Variants in TXNRD2 observed in about 807,000 individuals in gnomAD.
TXNRD2 encodes the protein thioredoxin reductase 2, mitochondrial.
TXNRD2 carries 67 observed loss-of-function variants against 70.8 expected under a neutral mutation model. The ratio of observed to expected loss-of-function variants is 0.95; its 90% CI spans 0.78 to 1.16. The LOEUF is 1.16. Ranked by LOEUF, TXNRD2 falls within the 50% of genes most tolerant of loss-of-function variation. TXNRD2 has a pLI of 0.00. For synonymous variants in TXNRD2, 301 were observed against 295.8 expected, an observed-to-expected ratio of 1.02 and a Z score of -0.18; for missense variants, 644 against 719.9, an observed-to-expected ratio of 0.89 and a Z score of 1.21.
At chr22:19,904,389 C>T (rs113105772) in intron 8 of TXNRD2, among the ~76,000 whole-genome samples, 4 of 152,364 alleles carry the variant, frequency 2.6e-5, no homozygotes, top group African/African-American at 7.2e-5. Flanking sequence ...AGCTTGGACA[C>T]GATCCCCCTG....
chr22:19,938,511 C>T (rs775761466), intron 1 of TXNRD2, among the ~76,000 whole-genome samples: 2 of 152,140 alleles, frequency 1.3e-5, no homozygotes, highest in African/African-American at 2.4e-5. Flanking sequence ...TCTATTATTT[C>T]CTCTAATTTA....
chr22:19,906,184 G>A (rs1380878036), intron 8 of TXNRD2, among the ~76,000 whole-genome samples: 1 of 152,124 alleles, frequency 6.6e-6, no homozygotes, highest in Non-Finnish European at 1.5e-5. Context: ...CCATGCTGGC[G>A]ATTTGTGCAG....
In TXNRD2 at chr22:19,895,506, C is replaced by T. The variant is rs201177571; in HGVS notation, c.850G>A (p.Val284Ile). 1.2e-6 allele frequency: 2 copies of T among 1,613,950 alleles called. No individual in the cohort carries two copies. The highest frequency in any genetic ancestry group is 2.2e-5 in the South Asian group (2 of 91,090). The change falls in exon 11 of 18, where the codon GTC becomes ATC. Residue 284 changes from valine to isoleucine, a missense_variant. By Grantham distance (29) the Val-to-Ile change is conservative. Coordinates refer to ENST00000400521, the MANE Select transcript of TXNRD2 (RefSeq NM_006440.5). Reference sequence around the variant, plus strand: ...AGCTGGCCATCAGGGAGCCTCCTGACCCGCGAGGGGGCACAGCCCCTCAGG... The same window carrying T: ...AGCTGGCCATCAGGGAGCCTCCTGATCCGCGAGGGGGCACAGCCCCTCAGG... ...RFLRGCAPSRVRRLPDGQLQV... is the reference protein window; with the variant it reads ...RFLRGCAPSRIRRLPDGQLQV...
intron 2 of TXNRD2, among the ~76,000 whole-genome samples, chr22:19,929,326 C>CAAAA (rs34528546): frequency 1.2e-5 from 1 of 84,422 alleles, no homozygotes; most frequent in Non-Finnish European, 2.3e-5. Context: ...GACTCCATCT[C>CAAAA]AAAAAAAAAA....
At position 19,911,445 on chromosome 22, in the gene TXNRD2, G is replaced by C; in HGVS notation, c.594C>G (p.Ile198Met). Reference protein sequence around the residue: ...TGGRPRYPTHIEGALEYGITS... With the variant: ...TGGRPRYPTHMEGALEYGITS... ...TGATTCCATATTCCAAGGCACCTTC[G>C]ATCTGTCAAGACAGAAATGACCCCT... The change falls in exon 8 of 18, where the codon ATC (isoleucine) becomes ATG (methionine). Residue 198 changes from isoleucine (I) to methionine (M), a missense_variant and splice_region_variant. Physicochemically the swap from Ile to Met is conservative, Grantham distance 10. Transcript: ENST00000400521. The C allele has an allele frequency of 6.2e-7, 1 of 1,613,214 alleles. No homozygotes were observed. Among genetic ancestry groups the C allele is most frequent in the South Asian group, 1.1e-5 (1 of 91,060 alleles).
At chr22:19,878,218 AG>A in intron 15 of TXNRD2, 31 bp from the exon 16 acceptor site, 1 of 1,602,860 alleles carries the variant, frequency 6.2e-7, no homozygotes, top group South Asian at 1.1e-5. Flanking sequence ...CCACCAGCCC[AG>A]GAGGGGGCTG....
chr22:19,877,129 G>A lies in TXNRD2; in HGVS notation c.1551C>T (p.Pro517=), dbSNP rs1195979671. 6.2e-7 allele frequency: 1 copy of A among 1,600,954 alleles called. No homozygotes were observed. Among genetic ancestry groups the A allele is most frequent in the Non-Finnish European group, 8.5e-7 (1 of 1,170,144 alleles). ...CTTACCCTCAGCAGCCTGTCACCGTGGGGTCCAGGCCTGAGCGCTTGGAGA... is the reference window on the plus strand; with the variant it reads ...CTTACCCTCAGCAGCCTGTCACCGTAGGGTCCAGGCCTGAGCGCTTGGAGA... ...LRISKRSGLD[P]TVTGCUG The change falls in exon 17 of 18, where the codon CCC becomes CCT. Residue 517 remains proline, a synonymous_variant. Transcript: ENST00000400521.
intron 8 of TXNRD2, chr22:19,903,139 G>A (rs1394915151): frequency 6.5e-6 from 3 of 462,226 alleles, no homozygotes; most frequent in Non-Finnish European, 1.3e-5. Context: ...GGCCCAGTGT[G>A]TGGGCTGGTC....
intron 1 of TXNRD2, among the ~76,000 whole-genome samples, chr22:19,933,820 G>A (rs1161037038): frequency 6.6e-6 from 1 of 152,172 alleles, no homozygotes; most frequent in Non-Finnish European, 1.5e-5. Context: ...CAGTGTCCTG[G>A]AGAACCTCAT....
intron 1 of TXNRD2, among the ~76,000 whole-genome samples, chr22:19,940,018 T>C (rs1159314388): frequency 6.6e-6 from 1 of 151,750 alleles, no homozygotes; most frequent in Non-Finnish European, 1.5e-5. Context: ...CCAAGGCAGG[T>C]GGATCATGAG....
chr22:19,897,581 C>T (rs1939566361), intron 10 of TXNRD2, among the ~76,000 whole-genome samples: 1 of 152,164 alleles, frequency 6.6e-6, no homozygotes, highest in African/African-American at 2.4e-5. Context: ...CACGGGCTGT[C>T]TCGGAGCCAG....
intron 11 of TXNRD2, chr22:19,891,415 A>T (rs1939258035): frequency 6.6e-6 from 1 of 152,438 alleles, no homozygotes; most frequent in Non-Finnish European, 1.5e-5. Flanking sequence ...CAAGAGAGGG[A>T]CAGAGAACCA....
intron 8 of TXNRD2, among the ~76,000 whole-genome samples, chr22:19,900,988 G>A (rs932813605): frequency 2.0e-5 from 3 of 152,204 alleles, no homozygotes; most frequent in Admixed American, 1.3e-4. Flanking sequence ...GCCCCTGCAC[G>A]TCAGGGCCTT....
chr22:19,928,648 A>G (rs1941243203), intron 2 of TXNRD2, among the ~76,000 whole-genome samples: 1 of 152,164 alleles, frequency 6.6e-6, no homozygotes, highest in African/African-American at 2.4e-5. Flanking sequence ...CAAAATCCCT[A>G]TGTGGAAGCC....
rs752213778 is a variant in TXNRD2 at position 19,931,067 on chromosome 22, G to A, written c.135C>T (p.Val45=). Residue 45 remains valine, a synonymous_variant, in exon 2 of 18, where the codon GTC becomes GTT. Coordinates refer to ENST00000400521, the MANE Select transcript of TXNRD2 (RefSeq NM_006440.5). ...AGQRDYDLLV[V]GGGSGGLACA... Reference sequence around the variant, plus strand: ...AAGCCAGGCCACCAGATCCCCCGCCGACCACCAGGAGATCATAGTCCCGCT... The same window carrying A: ...AAGCCAGGCCACCAGATCCCCCGCCAACCACCAGGAGATCATAGTCCCGCT... 3.0e-5 allele frequency: 48 copies of A among 1,613,456 alleles called. No individual in the cohort carries two copies. The highest frequency in any genetic ancestry group is 1.5e-4 in the African/African-American group (11 of 74,934).
At chr22:19,885,156 T>G (rs1293625107) in intron 11 of TXNRD2, among the ~76,000 whole-genome samples, 1 of 152,070 alleles carries the variant, frequency 6.6e-6, no homozygotes, top group Non-Finnish European at 1.5e-5. Flanking sequence ...CTCCCCTAAC[T>G]CAGATGGGTG....
Position 19,880,983 on chromosome 22 carries a change from C to G in TXNRD2, c.1087-266G>C, listed in dbSNP as rs1002725755. 5.1e-6 allele frequency: 3 copies of G among 583,034 alleles called. No individual in the cohort carries two copies. In the African/African-American group the frequency reaches 5.6e-5, roughly 11 times the overall value. 36.1% of individuals were successfully genotyped at this position (583,034 alleles called of 1,614,324 possible). A position where few individuals can be genotyped will look rare whatever the true frequency, so the allele number is the denominator to read the frequency against. On this transcript the variant is annotated intron_variant, in intron 12 of 17. Transcript: ENST00000400521. ...TCCGCTGCTGATGAGGCTGGCCGTG[C>G]CACCCTCACATGCTCAAGCCTTCTC...
chr22:19,882,749 T>C lies in TXNRD2; in HGVS notation c.1086+576A>G, dbSNP rs552305811. ...AGTATCCCAAGACTGACCACCACAG[T>C]CCCTTACTGGGGCCATGTGTAAGGA... On this transcript the variant is annotated intron_variant, in intron 12 of 17. Transcript: ENST00000400521. 2.6e-5 allele frequency among the ~76,000 whole-genome samples: 4 copies of C among 152,192 alleles called. No individual in the cohort carries two copies. In the South Asian group the frequency reaches 8.3e-4, roughly 32 times the overall value.
At chr22:19,905,106 T>A (rs1939947122) in intron 8 of TXNRD2, among the ~76,000 whole-genome samples, 1 of 151,978 alleles carries the variant, frequency 6.6e-6, no homozygotes, top group African/African-American at 2.4e-5. Flanking sequence ...AAACACTGAC[T>A]CCCATATTAC....
Sources: gnomAD v4.1 joint callset for allele counts (sites outside exome capture counted in the v4.1 genomes callset) on GRCh38, gnomAD v4.1.1 for gene constraint, MANE v1.5 for transcripts, NCBI Gene and HGNC (gene_info 2026-07-23, HGNC 2026-07-21) for gene names.